GPC5: variants seen among roughly 807,000 people sequenced by gnomAD.
The protein encoded by GPC5 is glypican 5.
GPC5 carries 47 observed loss-of-function variants against 53.9 expected under a neutral mutation model. That is an observed-to-expected ratio of 0.87 (90% CI 0.69 to 1.11). The LOEUF is 1.11. Ranked by LOEUF, GPC5 falls within the 50% of genes most tolerant of loss-of-function variation. The pLI, the probability that GPC5 is intolerant of heterozygous loss-of-function variation, is 0.00. For synonymous variants in GPC5, 286 were observed against 263.3 expected, an observed-to-expected ratio of 1.09 and a Z score of -0.84; for missense variants, 748 against 713.1, an observed-to-expected ratio of 1.05 and a Z score of -0.56.
chr13:92,147,851 A>C (rs1392511038), intron 7 of GPC5, among the ~76,000 whole-genome samples: 2 of 152,096 alleles, frequency 1.3e-5, no homozygotes, highest in Non-Finnish European at 1.5e-5. Context: ...GGACGAGGAA[A>C]GGAGCGAAGT....
chr13:92,038,088 G>A (rs890584620), intron 6 of GPC5, among the ~76,000 whole-genome samples: 2 of 152,084 alleles, frequency 1.3e-5, no homozygotes, highest in African/African-American at 4.8e-5. Flanking sequence ...GTGGTGGCAT[G>A]TGATTGGCTT....
intron 7 of GPC5, among the ~76,000 whole-genome samples, chr13:92,409,017 A>G (rs1875928016): frequency 6.6e-6 from 1 of 152,078 alleles, no homozygotes; most frequent in Non-Finnish European, 1.5e-5. Flanking sequence ...GATGTTTTGA[A>G]TATTCTTTAT....
intron 7 of GPC5, among the ~76,000 whole-genome samples, chr13:92,338,942 G>A (rs1467075793): frequency 2.0e-5 from 3 of 152,018 alleles, no homozygotes; most frequent in Non-Finnish European, 4.4e-5. Flanking sequence ...GTAGCACTTA[G>A]TGTGTGATGT....
At chr13:91,510,608 T>C (rs968862068) in intron 2 of GPC5, among the ~76,000 whole-genome samples, 4 of 152,250 alleles carry the variant, frequency 2.6e-5, no homozygotes, top group Admixed American at 2.6e-4. Flanking sequence ...TTTTAATTTG[T>C]CTTTGGGAAA....
rs79584120 is a variant in GPC5, at chr13:92,732,915, T to C, written c.1562-133367T>C. 6.0e-4 allele frequency among the ~76,000 whole-genome samples: 91 copies of C among 151,766 alleles called. No individual in the cohort carries two copies. The East Asian group carries it at 0.016, about 27-fold the overall frequency. ...TCTTTCCCATCCTGAGATTTTATTC[T>C]TCCCACTCCAATTTTGCTCCCAGGT... On this transcript the variant is annotated intron_variant, in intron 7 of 7. Transcript: ENST00000377067.
chr13:92,786,887 G>A (rs756483652), intron 7 of GPC5, among the ~76,000 whole-genome samples: 6 of 152,102 alleles, frequency 3.9e-5, no homozygotes, highest in Admixed American at 6.5e-5. Context: ...CAGATACACC[G>A]CATTCCAGCA....
intron 6 of GPC5, among the ~76,000 whole-genome samples, chr13:92,056,982 C>A (rs369333675): frequency 6.6e-6 from 1 of 152,166 alleles, no homozygotes; most frequent in East Asian, 1.9e-4. Flanking sequence ...TTACTCCCTC[C>A]TGTAATTGAT....
intron 5 of GPC5, among the ~76,000 whole-genome samples, chr13:91,810,403 C>G (rs1296181086): frequency 6.6e-6 from 1 of 151,814 alleles, no homozygotes; most frequent in Non-Finnish European, 1.5e-5. Context: ...GTTATAGTGC[C>G]AGGGAATGGT....
chr13:91,474,981 T>A (rs1255787950), intron 2 of GPC5, among the ~76,000 whole-genome samples: 1 of 152,092 alleles, frequency 6.6e-6, no homozygotes. Flanking sequence ...AAACAAGAAG[T>A]CAAGCATCAA....
chr13:92,232,176 A>G (rs2042535702), intron 7 of GPC5, among the ~76,000 whole-genome samples: 2 of 151,788 alleles, frequency 1.3e-5, no homozygotes, highest in Admixed American at 1.3e-4. Flanking sequence ...AAAAATAAGA[A>G]TCGTTTTTTC....
chr13:91,791,360 G>GA (rs576572082), intron 5 of GPC5, among the ~76,000 whole-genome samples: 60 of 152,200 alleles, frequency 3.9e-4, no homozygotes, highest in African/African-American at 1.4e-3. Flanking sequence ...ATGCTCCCTG[G>GA]AAAATGAGAA....
intron 7 of GPC5, among the ~76,000 whole-genome samples, chr13:92,468,868 T>G (rs1456097846): frequency 6.6e-6 from 1 of 152,104 alleles, no homozygotes; most frequent in Non-Finnish European, 1.5e-5. Context: ...AAAACCACCT[T>G]CAGTCTTTGC....
intron 7 of GPC5, among the ~76,000 whole-genome samples, chr13:92,518,614 G>A (rs1026316830): frequency 5.3e-5 from 8 of 152,068 alleles, no homozygotes; most frequent in African/African-American, 1.7e-4. Flanking sequence ...CCTTACAAGA[G>A]GCTCCTGAAG....
At chr13:91,519,940 G>A (rs1327298955) in intron 2 of GPC5, among the ~76,000 whole-genome samples, 3 of 151,922 alleles carry the variant, frequency 2.0e-5, no homozygotes, top group African/African-American at 4.8e-5. Flanking sequence ...CAGTGAAACA[G>A]AATTTATCAA....
chr13:92,579,906 G>T (rs1393262359), intron 7 of GPC5, among the ~76,000 whole-genome samples: 1 of 152,020 alleles, frequency 6.6e-6, no homozygotes, highest in Non-Finnish European at 1.5e-5. Context: ...CTTAGCAGTT[G>T]TATCACTCCT....
intron 5 of GPC5, among the ~76,000 whole-genome samples, chr13:91,848,682 G>C (rs187840709): frequency 6.6e-6 from 1 of 152,174 alleles, no homozygotes; most frequent in Admixed American, 6.5e-5. Context: ...TGGGAAATAC[G>C]ATATTTGAAT....
intron 7 of GPC5, among the ~76,000 whole-genome samples, chr13:92,654,704 A>T (rs536911881): frequency 6.6e-6 from 1 of 152,062 alleles, no homozygotes; most frequent in South Asian, 2.1e-4. Flanking sequence ...TGTTAAAAAT[A>T]GTTTTGTAAT....
chr13:92,198,256 C>T (rs571742711), intron 7 of GPC5, among the ~76,000 whole-genome samples: 1 of 152,264 alleles, frequency 6.6e-6, no homozygotes, highest in South Asian at 2.1e-4. Context: ...AAAATGCTAC[C>T]TTCATGAGAA....
At chr13:91,598,546 T>C (rs1002618978) in intron 2 of GPC5, among the ~76,000 whole-genome samples, 19 of 152,134 alleles carry the variant, frequency 1.2e-4, no homozygotes, top group Admixed American at 5.9e-4. Flanking sequence ...GGCATTCTTG[T>C]AGGCCCAAAG....
Sources: allele counts gnomAD v4.1 joint callset (sites outside exome capture counted in the v4.1 genomes callset), GRCh38; gene constraint gnomAD v4.1.1; transcripts MANE v1.5; gene names NCBI Gene and HGNC (gene_info 2026-07-23, HGNC 2026-07-21).